FBN2: variants seen among roughly 807,000 people sequenced by gnomAD.
FBN2 encodes the protein fibrillin 2, also known as fibrillin-2.
FBN2 carries 105 observed loss-of-function variants against 355.6 expected under a neutral mutation model. The ratio of observed to expected loss-of-function variants is 0.30; its 90% CI spans 0.25 to 0.35. The LOEUF (loss-of-function observed/expected upper bound fraction) is 0.35. Ranked by LOEUF, FBN2 falls within the 10% of genes least tolerant of loss-of-function variation. The pLI is 1.00. For synonymous variants in FBN2, 1,350 were observed against 1,301.2 expected, an observed-to-expected ratio of 1.04 and a Z score of -0.81; for missense variants, 3,280 against 3,758.7, an observed-to-expected ratio of 0.87 and a Z score of 3.33.
chr5:128,418,928 G>C (rs115717933), intron 7 of FBN2, among the ~76,000 whole-genome samples: 1 of 152,076 alleles, frequency 6.6e-6, no homozygotes, highest in Non-Finnish European at 1.5e-5. Context: ...TTTACAGATC[G>C]ACTTGGAGAG....
At chr5:128,495,303 A>G (rs1187286486) in intron 5 of FBN2, among the ~76,000 whole-genome samples, 1 of 152,174 alleles carries the variant, frequency 6.6e-6, no homozygotes, top group Non-Finnish European at 1.5e-5. Context: ...ACAAAGCTTC[A>G]GGGAAATGTG....
At chr5:128,409,109 C>A (rs1753004262) in intron 7 of FBN2, among the ~76,000 whole-genome samples, 1 of 152,102 alleles carries the variant, frequency 6.6e-6, no homozygotes, top group African/African-American at 2.4e-5. Context: ...TCTACATCAA[C>A]TAGGGAATTA....
chr5:128,335,037 T>C (rs750218901), intron 30 of FBN2, 133 bp downstream of exon 30: 4 of 1,368,904 alleles, frequency 2.9e-6, no homozygotes, highest in Non-Finnish European at 4.1e-6. Context: ...CCTGAGATTT[T>C]ACAGTTCTAG....
chr5:128,349,363 A>G lies in FBN2; in HGVS notation c.2973T>C (p.Thr991=), dbSNP rs1252162895. 2 of 1,614,164 alleles carry G rather than the reference A, an allele frequency of 1.2e-6. No homozygotes were observed. The highest frequency in any genetic ancestry group is 1.7e-6 in the Non-Finnish European group (2 of 1,180,026). The part of the protein sequence containing the change: ...ECPEGLTLDG[T]GRVCLDIRME... ...GAATCTTACCCAAACATACACGGCCAGTCCCATCCAACGTAAGGCCTTCAG... is the reference window on the plus strand; with the variant it reads ...GAATCTTACCCAAACATACACGGCCGGTCCCATCCAACGTAAGGCCTTCAG... The change falls in exon 23 of 65, where the codon ACT becomes ACC. Residue 991 remains threonine (T), a synonymous_variant. Transcript: ENST00000262464.
rs114064152 is a variant in FBN2 at position 128,286,434 on chromosome 5, A to T, written c.7012+284T>A. On this transcript the variant is annotated intron_variant, in intron 55 of 64. Transcript: ENST00000262464. ...TTTTTCAATGTTTTTCTATATATTT[A>T]CTTGGTTACATATGTACCTACAGAA... Among the ~76,000 whole-genome samples, 1,119 of 152,288 alleles carry T rather than the reference A, an allele frequency of 7.3e-3. 13 individuals are homozygous for T. Among genetic ancestry groups the T allele is most frequent in the African/African-American group, 0.026 (1,064 of 41,566 alleles).
intron 4 of FBN2, among the ~76,000 whole-genome samples, chr5:128,521,298 T>C (rs1280050214): frequency 6.6e-6 from 1 of 152,072 alleles, no homozygotes; most frequent in Non-Finnish European, 1.5e-5. Flanking sequence ...TTCTCACTTA[T>C]AAGTGGGAAC....
chr5:128,312,478 C>G (rs1750080913), intron 37 of FBN2, among the ~76,000 whole-genome samples, 156 bp downstream of exon 37: 1 of 152,192 alleles, frequency 6.6e-6, no homozygotes, highest in South Asian at 2.1e-4. Context: ...CTTTAACATT[C>G]TTGGCTGGTT....
At chr5:128,366,332 A>C in intron 17 of FBN2, 45 bp downstream of exon 17, 1 of 1,029,710 alleles carries the variant, frequency 9.7e-7, no homozygotes, top group Non-Finnish European at 1.5e-6. Flanking sequence ...AAGCTATACG[A>C]TTATGTCACG....
chr5:128,489,011 T>C (rs954840791), intron 5 of FBN2, among the ~76,000 whole-genome samples: 13 of 152,160 alleles, frequency 8.5e-5, no homozygotes, highest in Admixed American at 7.9e-4. Context: ...TTTGGGTATA[T>C]ACCCAGTAAT....
intron 62 of FBN2, among the ~76,000 whole-genome samples, chr5:128,271,685 C>T (rs1218214592): frequency 6.6e-6 from 1 of 152,168 alleles, no homozygotes; most frequent in Non-Finnish European, 1.5e-5. Context: ...AAAAAAGTGG[C>T]TGACCTTCGC....
intron 6 of FBN2, among the ~76,000 whole-genome samples, chr5:128,457,563 GT>G (rs1754430176): frequency 6.6e-6 from 1 of 152,062 alleles, no homozygotes; most frequent in Non-Finnish European, 1.5e-5. Flanking sequence ...GAAAGGTCAG[GT>G]CACCTTCAAA....
In FBN2 at chr5:128,263,504, G is replaced by T. The variant is rs748491119; in HGVS notation, c.8113C>A (p.Pro2705Thr). ...DVNECSSSKN[P>T]CNYGCSNTEG... is the part of the protein sequence containing the mutation. The stretch of plus-strand genomic sequence containing the variant: ...GTGTTAGAGCAGCCGTAATTGCAGG[G>T]GTTCTTGGAGGACGAGCACTCATTC... The change falls in exon 63 of 65, where the codon CCC becomes ACC. Residue 2705 changes from proline to threonine, a missense_variant. By Grantham distance (38) the Pro-to-Thr change is conservative. Around this residue, in one of 6 missense-constraint regions of FBN2, gnomAD observed 311 missense variants for 319.1 expected, o/e 0.97. Transcript: ENST00000262464. 1.2e-6 allele frequency: 2 copies of T among 1,614,008 alleles called. No homozygotes were observed. Among genetic ancestry groups the T allele is most frequent in the Non-Finnish European group, 1.7e-6 (2 of 1,180,032 alleles).
chr5:128,301,561 T>C, intron 46 of FBN2, 51 bp from the exon 47 acceptor site: 2 of 1,573,624 alleles, frequency 1.3e-6, no homozygotes, highest in South Asian at 1.1e-5. Flanking sequence ...AACATGTATA[T>C]TGTTTCACAA....
chr5:128,263,493 G>A lies in FBN2; in HGVS notation c.8124C>T (p.Tyr2708=), dbSNP rs201634501. Residue 2708 remains tyrosine, a synonymous_variant, in exon 63 of 65, where the codon TAC becomes TAT. Coordinates refer to ENST00000262464, the MANE Select transcript of FBN2 (RefSeq NM_001999.4). ...AGCCCCCCTCCGTGTTAGAGCAGCC[G>A]TAATTGCAGGGGTTCTTGGAGGACG... is the stretch of plus-strand genomic sequence containing the variant. The part of the protein sequence containing the change: ...ECSSSKNPCN[Y]GCSNTEGGYL... 115 of 1,614,010 alleles carry A rather than the reference G, an allele frequency of 7.1e-5. No individual in the cohort carries two copies. Among genetic ancestry groups the A allele is most frequent in the Non-Finnish European group, 2.9e-5 (34 of 1,180,016 alleles).
In FBN2 at chr5:128,393,235, C is replaced by T; in HGVS notation, c.1365G>A (p.Gly455=). Residue 455 remains glycine, a synonymous_variant, in exon 10 of 65, where the codon GGG becomes GGA. Transcript: ENST00000262464. ...CTCCAGGGATGGGGATGAAGCCTGT[C>T]CCTCCTGGGCCATAGCCATTGCCAT... The part of the protein sequence containing the change: ...SGNGNGYGPG[G]TGFIPIPGGN... 6.2e-7 allele frequency: 1 copy of T among 1,614,180 alleles called. No individual in the cohort carries two copies. Among genetic ancestry groups the T allele is most frequent in the Non-Finnish European group, 8.5e-7 (1 of 1,180,014 alleles).
At chr5:128,337,767 C>T (rs1750884881) in intron 27 of FBN2, among the ~76,000 whole-genome samples, 4 of 152,120 alleles carry the variant, frequency 2.6e-5, no homozygotes, top group African/African-American at 9.7e-5. Flanking sequence ...GGACCAATCA[C>T]GTGGCTTGTT....
chr5:128,414,211 C>G (rs1438923622), intron 7 of FBN2, among the ~76,000 whole-genome samples: 4 of 152,110 alleles, frequency 2.6e-5, no homozygotes, highest in African/African-American at 9.7e-5. Context: ...GGTTGTGCAG[C>G]CATAACTACA....
rs1291511579 is a variant in FBN2 at position 128,300,818 on chromosome 5, A to C, written c.6165T>G (p.Ile2055Met). Residue 2055 changes from isoleucine to methionine, a missense_variant and splice_region_variant, in exon 48 of 65, where the codon ATT (isoleucine) becomes ATG (methionine). By Grantham distance (10) the Ile-to-Met change is conservative. Around this residue, in one of 6 missense-constraint regions of FBN2, gnomAD observed 2,284 missense variants for 2,749.5 expected, o/e 0.83. Transcript: ENST00000262464. ...CCTCAGAATAAATGTTACTCTTACC[A>C]ATGCAGTTCTCGCTTTTTACTTCAT... ...PGYEVKSENCIDINECDEDPN... is the reference protein window; with the variant it reads ...PGYEVKSENCMDINECDEDPN... 47 of 1,613,836 alleles carry C rather than the reference A, an allele frequency of 2.9e-5. No individual in the cohort carries two copies. Among genetic ancestry groups the C allele is most frequent in the Non-Finnish European group, 3.7e-5 (44 of 1,179,822 alleles).
At chr5:128,475,601 C>T (rs1488228897) in intron 5 of FBN2, among the ~76,000 whole-genome samples, 1 of 152,022 alleles carries the variant, frequency 6.6e-6, no homozygotes, top group Admixed American at 6.6e-5. Flanking sequence ...TGAAAAATAA[C>T]TTCACACTTT....
Sources: gnomAD v4.1 joint callset for allele counts (sites outside exome capture counted in the v4.1 genomes callset) on GRCh38, gnomAD v4.1.1 for gene constraint, gnomAD v4.1.1 regional missense constraint, MANE v1.5 for transcripts, NCBI Gene and HGNC (gene_info 2026-07-23, HGNC 2026-07-21) for gene names.